The following DLGAP2 variants were observed in gnomAD, a reference collection of about 807,000 sequenced individuals.
DLGAP2 encodes the protein disks large-associated protein 2.
A neutral mutation model predicts 100.3 loss-of-function variants in DLGAP2; 26 were observed. That is an observed-to-expected ratio of 0.26 (90% CI 0.19 to 0.36). The LOEUF (loss-of-function observed/expected upper bound fraction) is 0.36, where lower values mean the gene tolerates loss of function less well. Among genes scored for constraint, DLGAP2 ranks in the 10% least tolerant of loss-of-function variants. The probability of loss-of-function intolerance (pLI) is 1.00; values close to 1 mark genes in which losing one functional copy is unlikely to be tolerated. For missense variants in DLGAP2, 1,858 were observed against 1,453.2 expected (o/e 1.28, Z -4.53); for synonymous variants, 886 against 630.1 (o/e 1.41, Z -6.08).
chr8:1,018,196 A>G (rs72507625), intron 2 of DLGAP2, among the ~76,000 whole-genome samples: 53 of 151,934 alleles, frequency 3.5e-4, no homozygotes, highest in East Asian at 2.5e-3. Context: ...CCCTGCCCCT[A>G]TAGGCCCTCC....
chr8:1,110,358 T>A, intron 2 of DLGAP2, among the ~76,000 whole-genome samples: 1 of 146,850 alleles, frequency 6.8e-6, no homozygotes, highest in Admixed American at 6.8e-5. Context: ...TGGGTCTGGG[T>A]CTGTGATGTG....
intron 3 of DLGAP2, among the ~76,000 whole-genome samples, chr8:1,270,083 G>C (rs569007673): frequency 6.6e-6 from 1 of 152,274 alleles, no homozygotes; most frequent in Non-Finnish European, 1.5e-5. Context: ...TTGGGGTCCT[G>C]TTGACTGACC....
intron 6 of DLGAP2, among the ~76,000 whole-genome samples, chr8:1,591,066 C>G (rs962504771): frequency 6.6e-6 from 1 of 152,220 alleles, no homozygotes; most frequent in Non-Finnish European, 1.5e-5. Flanking sequence ...GTGCTCGGGA[C>G]CCAACCCCAT....
At chr8:1,548,458 G>GAAAAA (rs773138776) in intron 4 of DLGAP2, among the ~76,000 whole-genome samples, 168 bp from the exon 5 acceptor site, 8 of 41,582 alleles carry the variant, frequency 1.9e-4, no homozygotes, top group East Asian at 2.1e-3. Flanking sequence ...GACTGTCTCA[G>GAAAAA]AAAAAAAAAA....
chr8:772,183 C>T (rs1435759831), intron 1 of DLGAP2, among the ~76,000 whole-genome samples: 1 of 151,774 alleles, frequency 6.6e-6, no homozygotes, highest in African/African-American at 2.4e-5. Context: ...TTACAGGCAT[C>T]AGCCACTGTG....
chr8:1,452,711 T>A (rs960197527), intron 3 of DLGAP2, among the ~76,000 whole-genome samples: 28 of 152,144 alleles, frequency 1.8e-4, no homozygotes, highest in African/African-American at 6.3e-4. Context: ...GCAGCTGAGC[T>A]GTCGCCTCCA....
At chr8:1,255,038 AGCCGCTGT>A (rs1799155143) in intron 2 of DLGAP2, among the ~76,000 whole-genome samples, 5 of 99,548 alleles carry the variant, frequency 5.0e-5, no homozygotes, top group African/African-American at 2.8e-4. Flanking sequence ...TCTCCTGCCC[AGCCGCTGT>A]GTGTGTGTCC....
At chr8:1,206,453 T>C (rs796760603) in intron 2 of DLGAP2, among the ~76,000 whole-genome samples, 49 of 81,038 alleles carry the variant, frequency 6.0e-4, no homozygotes, top group African/African-American at 1.6e-3. Context: ...TGGACTGGGG[T>C]AGACTGTGAG....
At chr8:1,682,972 CTG>C (rs1182069799) in intron 12 of DLGAP2, among the ~76,000 whole-genome samples, 1 of 151,444 alleles carries the variant, frequency 6.6e-6, no homozygotes, top group Non-Finnish European at 1.5e-5. Flanking sequence ...GGATCCTCCT[CTG>C]GACTCTCTCA....
intron 2 of DLGAP2, among the ~76,000 whole-genome samples, chr8:1,062,449 G>C (rs894270655): frequency 6.6e-6 from 1 of 152,302 alleles, no homozygotes; most frequent in Non-Finnish European, 1.5e-5. Flanking sequence ...TGCGCTCGGC[G>C]TTTGGATGCT....
At chr8:813,313 A>G (rs1585891381) in intron 1 of DLGAP2, among the ~76,000 whole-genome samples, 1 of 152,110 alleles carries the variant, frequency 6.6e-6, no homozygotes, top group East Asian at 1.9e-4. Flanking sequence ...TAGTTACAGT[A>G]TTTATGGATA....
intron 2 of DLGAP2, chr8:1,002,074 C>T (rs2129018316): frequency 6.6e-6 from 1 of 152,312 alleles, no homozygotes; most frequent in African/African-American, 2.4e-5. Context: ...TTGTCTTCCA[C>T]CTGCTTAAAT....
chr8:968,574 G>A (rs1248927553), intron 2 of DLGAP2, among the ~76,000 whole-genome samples: 1 of 152,134 alleles, frequency 6.6e-6, no homozygotes, highest in Non-Finnish European at 1.5e-5. Flanking sequence ...CCCTGGTGGC[G>A]GCCAAGCCCC....
In DLGAP2 at chr8:1,268,257, C is replaced by T. The variant is rs75180929; in HGVS notation, c.106+9374C>T. Among the ~76,000 whole-genome samples, 739 of 152,072 alleles carry T rather than the reference C, an allele frequency of 4.9e-3. 12 individuals carry two copies. In the East Asian group the frequency reaches 0.062, roughly 13 times the overall value. On this transcript the variant is annotated intron_variant, in intron 3 of 14. Coordinates refer to ENST00000637795, the MANE Select transcript of DLGAP2 (RefSeq NM_001346810.2). The stretch of plus-strand genomic sequence containing the variant: ...TCACTGGGTAATTTAAACATCAGGC[C>T]GTGGGTTTAGTGTGATTGGAGAAAA...
intron 2 of DLGAP2, among the ~76,000 whole-genome samples, chr8:1,196,245 CTG>C (rs1278277629): frequency 1.3e-5 from 2 of 152,184 alleles, no homozygotes; most frequent in Non-Finnish European, 2.9e-5. Flanking sequence ...CCACGTTTCA[CTG>C]TGTGTGTGTA....
intron 6 of DLGAP2, among the ~76,000 whole-genome samples, chr8:1,582,787 A>G (rs1433632026): frequency 5.9e-5 from 9 of 152,268 alleles, no homozygotes; most frequent in Non-Finnish European, 8.8e-5. Flanking sequence ...AGTAGAGACA[A>G]GAGTTTCACC....
intron 2 of DLGAP2, among the ~76,000 whole-genome samples, chr8:1,127,702 A>G (rs888885547): frequency 2.0e-5 from 3 of 152,202 alleles, no homozygotes; most frequent in African/African-American, 7.2e-5. Flanking sequence ...TCCGGCATTA[A>G]CAGAAAACCT....
intron 3 of DLGAP2, among the ~76,000 whole-genome samples, chr8:1,454,203 G>T (rs549622784): frequency 1.3e-5 from 2 of 152,182 alleles, no homozygotes; most frequent in African/African-American, 4.8e-5. Flanking sequence ...TGACAAGCAC[G>T]TCCACAGCCG....
chr8:1,593,384 G>A (rs1264954453), intron 6 of DLGAP2, among the ~76,000 whole-genome samples: 2 of 152,032 alleles, frequency 1.3e-5, no homozygotes, highest in African/African-American at 4.8e-5. Flanking sequence ...GAACCCAGGA[G>A]GCGGAGCTTG....
Sources: gnomAD v4.1 joint callset for allele counts (sites outside exome capture counted in the v4.1 genomes callset) on GRCh38, gnomAD v4.1.1 for gene constraint, MANE v1.5 for transcripts, NCBI Gene and HGNC (gene_info 2026-07-23, HGNC 2026-07-21) for gene names.